Variants in ZNF383 observed in about 807,000 individuals in gnomAD.
The protein encoded by ZNF383 is zinc finger protein 383.
ZNF383 carries 32 observed loss-of-function variants against 44.2 expected under a neutral mutation model. That is an observed-to-expected ratio of 0.72 (90% CI 0.55 to 0.97). ZNF383 has a LOEUF of 0.97. Among genes scored for constraint, ZNF383 ranks in the 50% least tolerant of loss-of-function variants. The probability of loss-of-function intolerance (pLI) is 0.00; values close to 1 mark genes in which losing one functional copy is unlikely to be tolerated. For synonymous variants in ZNF383, 155 were observed against 186.2 expected, an observed-to-expected ratio of 0.83 and a Z score of 1.36; for missense variants, 487 against 562.5, an observed-to-expected ratio of 0.87 and a Z score of 1.36.
At chr19:37,231,405 G>A (rs1480950298) in intron 3 of ZNF383, among the ~76,000 whole-genome samples, 2 of 152,032 alleles carry the variant, frequency 1.3e-5, no homozygotes, top group Admixed American at 6.6e-5. Context: ...CATTCCTGTA[G>A]TCCCAGCTAC....
At chr19:37,221,272 T>A (rs1972905424) in intron 1 of ZNF383, among the ~76,000 whole-genome samples, 2 of 152,176 alleles carry the variant, frequency 1.3e-5, no homozygotes, top group Non-Finnish European at 2.9e-5. Flanking sequence ...ATATATCATG[T>A]TGTTTTAAAA....
At chr19:37,227,341 C>T (rs1022963151) in intron 2 of ZNF383, among the ~76,000 whole-genome samples, 5 of 145,802 alleles carry the variant, frequency 3.4e-5, no homozygotes, top group Non-Finnish European at 7.5e-5. Flanking sequence ...CTTGAACTCC[C>T]GACCTCGGGT....
chr19:37,223,299 G>C (rs1973010800), intron 1 of ZNF383, among the ~76,000 whole-genome samples: 1 of 152,158 alleles, frequency 6.6e-6, no homozygotes, highest in Non-Finnish European at 1.5e-5. Flanking sequence ...TTGATCATAT[G>C]CTGGGCCACA....
At chr19:37,223,173 A>G (rs1180074226) in intron 1 of ZNF383, among the ~76,000 whole-genome samples, 1 of 152,206 alleles carries the variant, frequency 6.6e-6, no homozygotes, top group Non-Finnish European at 1.5e-5. Flanking sequence ...ATAAAGCTAT[A>G]TGGTATTTGA....
At chr19:37,236,289 TC>T (rs1271028973) in intron 5 of ZNF383, among the ~76,000 whole-genome samples, 1 of 152,002 alleles carries the variant, frequency 6.6e-6, no homozygotes, top group Non-Finnish European at 1.5e-5. Context: ...CCAATCCTCC[TC>T]TTAATTTCAA....
intron 1 of ZNF383, among the ~76,000 whole-genome samples, chr19:37,223,975 A>G (rs1168123774): frequency 6.6e-6 from 1 of 152,094 alleles, no homozygotes. Context: ...CAGAGGTTGC[A>G]GTGAGCCAAG....
chr19:37,240,724 TTACACACC>T (rs1307138879), intron 5 of ZNF383, among the ~76,000 whole-genome samples: 2 of 152,244 alleles, frequency 1.3e-5, no homozygotes, highest in Non-Finnish European at 1.5e-5. Context: ...TATCTGCCAC[TTACACACC>T]TACATCAAAT....
intron 3 of ZNF383, 100 bp downstream of exon 3, chr19:37,230,562 A>C (rs1175690863): frequency 1.5e-6 from 2 of 1,355,190 alleles, no homozygotes; most frequent in Non-Finnish European, 2.1e-6. Flanking sequence ...TGGCTAACAG[A>C]GTTCCCCTTC....
chr19:37,223,877 C>CA lies in ZNF383; in HGVS notation c.-167-933dup, dbSNP rs946590109. ...TGAAACCCCATCTCTACTAAAAATA[C>CA]AAAAAAAAGTAGCCAGGTATGGTGG... On this transcript the variant is annotated intron_variant, in intron 1 of 5. Coordinates refer to ENST00000684119, the MANE Select transcript of ZNF383 (RefSeq NM_001387601.1). 7.3e-5 allele frequency among the ~76,000 whole-genome samples: 11 copies of CA among 151,026 alleles called. 1 individual carries two copies. The highest frequency in any genetic ancestry group is 6.0e-4 in the Admixed American group (9 of 15,114).
At chr19:37,239,971 A>G (rs554692817) in intron 5 of ZNF383, among the ~76,000 whole-genome samples, 1 of 152,218 alleles carries the variant, frequency 6.6e-6, no homozygotes, top group Admixed American at 6.5e-5. Flanking sequence ...CATCCTGGCC[A>G]ACATGGTGAA....
Position 37,243,705 on chromosome 19 carries a change from C to CA in ZNF383, c.*46dup. The CA allele has an allele frequency of 2.2e-6, 3 of 1,361,588 alleles. No homozygotes were observed. The highest frequency in any genetic ancestry group is 2.0e-6 in the Non-Finnish European group (2 of 1,007,626). 84.3% of individuals were successfully genotyped at this position (1,361,588 alleles called of 1,614,324 possible). A position where few individuals can be genotyped will look rare whatever the true frequency, so the allele number is the denominator to read the frequency against. On this transcript the variant is annotated 3_prime_UTR_variant, in exon 6 of 6. Transcript: ENST00000684119. ...CTGTCACCTTCCTCATATTTTAAACCAAAAATCATGTCTAATAGTTACCCT... is the reference window on the plus strand; with the variant it reads ...CTGTCACCTTCCTCATATTTTAAACCAAAAAATCATGTCTAATAGTTACCCT...
rs1974390108 is a variant in ZNF383 at position 37,246,842 on chromosome 19, G to T, written c.*3178G>T. 6.6e-6 allele frequency: 1 copy of T among 151,890 alleles called. No homozygotes were observed. The highest frequency in any genetic ancestry group is 2.4e-5 in the African/African-American group (1 of 41,364). 9.4% of individuals were successfully genotyped at this position (151,890 alleles called of 1,614,324 possible). A position where few individuals can be genotyped will look rare whatever the true frequency, so the allele number is the denominator to read the frequency against. ...ATCTGAAACCCTGAAAATATGATGA[G>T]TAGTAGAAAGCACAGCTGTCAAAAA... On this transcript the variant is annotated 3_prime_UTR_variant, in exon 6 of 6. Transcript: ENST00000684119.
rs1183270412 is a variant in ZNF383, at chr19:37,245,259, A to T, written c.*1595A>T. The T allele has an allele frequency of 6.6e-6, 1 of 152,062 alleles. No homozygotes were observed. Among genetic ancestry groups the T allele is most frequent in the Admixed American group, 6.6e-5 (1 of 15,254 alleles). The allele number at this position is 152,062 out of a possible 1,614,324, so 9.4% of individuals were successfully genotyped here. The stretch of plus-strand genomic sequence containing the variant: ...CACTGCACTCCAGCCTGGGGGACAG[A>T]GTGAGATTCCGTCTCAAAAAAACAC... On this transcript the variant is annotated 3_prime_UTR_variant, in exon 6 of 6. Coordinates refer to ENST00000684119, the MANE Select transcript of ZNF383 (RefSeq NM_001387601.1).
intron 5 of ZNF383, among the ~76,000 whole-genome samples, chr19:37,241,006 C>T (rs1180995464): frequency 1.3e-5 from 2 of 152,102 alleles, no homozygotes; most frequent in African/African-American, 4.8e-5. Flanking sequence ...AGGGTTTCAC[C>T]ATGCTGGCCA....
chr19:37,229,926 G>A (rs1973401316), intron 2 of ZNF383, among the ~76,000 whole-genome samples: 2 of 151,160 alleles, frequency 1.3e-5, no homozygotes, highest in Non-Finnish European at 2.9e-5. Context: ...TTTGAGGGTT[G>A]AGAAACAAAA....
intron 3 of ZNF383, among the ~76,000 whole-genome samples, chr19:37,233,177 C>G (rs1973584927): frequency 6.6e-6 from 1 of 152,264 alleles, no homozygotes; most frequent in African/African-American, 2.4e-5. Context: ...GTCGCCCAGG[C>G]TGGAGTGCAG....
At chr19:37,218,879 G>A (rs150926517) in intron 1 of ZNF383, among the ~76,000 whole-genome samples, 27 of 152,178 alleles carry the variant, frequency 1.8e-4, no homozygotes, top group African/African-American at 6.5e-4. Context: ...GTGCTCAATA[G>A]GGGTCCTGGG....
chr19:37,243,544 C>A lies in ZNF383; in HGVS notation c.1308C>A (p.Asn436Lys), dbSNP rs981048902. Residue 436 changes from asparagine to lysine, a missense_variant, in exon 6 of 6, where the codon AAC becomes AAA. Asn to Lys is a moderately conservative substitution (Grantham distance 94). Coordinates refer to ENST00000684119, the MANE Select transcript of ZNF383 (RefSeq NM_001387601.1). The part of the protein sequence containing the change: ...ECGKAFNKCS[N>K]LTRHLRIHTG... ...GAAAGGCCTTTAATAAATGCTCAAA[C>A]CTTACTCGACATCTGAGAATTCACA... 3 of 1,613,264 alleles carry A rather than the reference C, an allele frequency of 1.9e-6. No homozygotes were observed. Among genetic ancestry groups the A allele is most frequent in the South Asian group, 2.2e-5 (2 of 90,994 alleles).
In ZNF383 at chr19:37,243,176, G is replaced by GA; in HGVS notation, c.942dup (p.Cys315MetfsTer21). Reference sequence around the variant, plus strand: ...AGGTGAGAAACCCTATGAATGTAAGGAATGTGGCAAAGCCTTTACCCAGAG... The same window carrying GA: ...AGGTGAGAAACCCTATGAATGTAAGGAAATGTGGCAAAGCCTTTACCCAGAG... On this transcript the variant is annotated frameshift_variant, in exon 6 of 6. Coordinates refer to ENST00000684119, the MANE Select transcript of ZNF383 (RefSeq NM_001387601.1). LOFTEE classifies it high-confidence loss of function. The GA allele has an allele frequency of 6.2e-7, 1 of 1,614,166 alleles. No homozygotes were observed.
Sources: gnomAD v4.1 joint callset for allele counts (sites outside exome capture counted in the v4.1 genomes callset) on GRCh38, gnomAD v4.1.1 for gene constraint, MANE v1.5 for transcripts, NCBI Gene and HGNC (gene_info 2026-07-23, HGNC 2026-07-21) for gene names.